CGREF1: variants seen among roughly 807,000 people sequenced by gnomAD.
The protein encoded by CGREF1 is cell growth regulator with EF hand domain protein 1.
In CGREF1, 16 loss-of-function variants were observed where a neutral mutation model predicts 17.4. The ratio of observed to expected loss-of-function variants is 0.92; its 90% CI spans 0.62 to 1.40. The LOEUF is 1.40. Ranked by LOEUF, CGREF1 falls within the 40% of genes most tolerant of loss-of-function variation. The pLI, the probability that CGREF1 is intolerant of heterozygous loss-of-function variation, is 0.00. For synonymous variants in CGREF1, 142 were observed against 154.6 expected (o/e 0.92, Z 0.61); for missense variants, 296 against 376.4 (o/e 0.79, Z 1.77).
At chr2:27,116,389 C>T (rs1177306979) in intron 1 of CGREF1, among the ~76,000 whole-genome samples, 2 of 151,636 alleles carry the variant, frequency 1.3e-5, no homozygotes, top group African/African-American at 4.8e-5. Flanking sequence ...TAGCCAGGCA[C>T]AGTGGCACGT....
intron 1 of CGREF1, among the ~76,000 whole-genome samples, chr2:27,115,859 A>T (rs74510402): frequency 6.6e-6 from 1 of 152,130 alleles, no homozygotes; most frequent in Non-Finnish European, 1.5e-5. Context: ...TCCATCCTCA[A>T]TCTGGAATGT....
At chr2:27,118,067 T>C (rs1000791348) in intron 1 of CGREF1, among the ~76,000 whole-genome samples, 1 of 152,068 alleles carries the variant, frequency 6.6e-6, no homozygotes, top group Non-Finnish European at 1.5e-5. Flanking sequence ...TCCTAAAGGT[T>C]TGGGGAGGCT....
chr2:27,100,740 C>T lies in CGREF1; in HGVS notation c.*534G>A, dbSNP rs1348090112. On this transcript the variant is annotated 3_prime_UTR_variant, in exon 6 of 6. Coordinates refer to ENST00000402394, the MANE Select transcript of CGREF1 (RefSeq NM_006569.6). The stretch of plus-strand genomic sequence containing the variant: ...TGAGGATAAAATCATATATAAAATG[C>T]CCAGCATGATGCCTGATGTGTACAA... 7 of 1,149,408 alleles carry T rather than the reference C, an allele frequency of 6.1e-6. No homozygotes were observed. Among genetic ancestry groups the T allele is most frequent in the Non-Finnish European group, 7.7e-6 (7 of 908,260 alleles). The allele number at this position is 1,149,408 out of a possible 1,614,324, so 71.2% of individuals were successfully genotyped here.
At chr2:27,116,871 T>TTCTCTCTCTCTCTCTCTCTCTCTCTC (rs537582075) in intron 1 of CGREF1, among the ~76,000 whole-genome samples, 36 of 33,652 alleles carry the variant, frequency 1.1e-3, no homozygotes, top group South Asian at 3.1e-3. Flanking sequence ...GCCAGGCCTA[T>TTCTCTCTCTCTCTCTCTCTCTCTCTC]TCTCTCTCTC....
chr2:27,104,177 G>A, intron 2 of CGREF1, 110 bp downstream of exon 2: 2 of 1,103,750 alleles, frequency 1.8e-6, no homozygotes, highest in Non-Finnish European at 2.5e-6. Flanking sequence ...ACAGAGATCG[G>A]GGAACCTACA....
At chr2:27,104,054 C>A (rs7601733) in intron 2 of CGREF1, among the ~76,000 whole-genome samples, 1 of 152,180 alleles carries the variant, frequency 6.6e-6, no homozygotes, top group African/African-American at 2.4e-5. Context: ...CTGTTCTTCA[C>A]GATGCACTGG....
At chr2:27,104,879 A>T in intron 1 of CGREF1, 1 of 1,273,490 alleles carries the variant, frequency 7.9e-7, no homozygotes, top group Non-Finnish European at 1.1e-6. Flanking sequence ...AACAAATCAA[A>T]AGAGGCGCAG....
chr2:27,103,306 T>G (rs1323764622), intron 2 of CGREF1, among the ~76,000 whole-genome samples: 1 of 152,174 alleles, frequency 6.6e-6, no homozygotes, highest in Non-Finnish European at 1.5e-5. Flanking sequence ...AATAAAACCT[T>G]CAGAAAGGTA....
intron 1 of CGREF1, among the ~76,000 whole-genome samples, chr2:27,106,815 G>A (rs1458676499): frequency 1.3e-5 from 2 of 152,010 alleles, no homozygotes; most frequent in East Asian, 3.9e-4. Context: ...ACAGAGTTTC[G>A]CTGTGTTGGC....
intron 1 of CGREF1, among the ~76,000 whole-genome samples, chr2:27,117,631 C>A (rs1451763178): frequency 6.6e-6 from 1 of 152,028 alleles, no homozygotes; most frequent in East Asian, 1.9e-4. Context: ...GACTTCTGAT[C>A]AAATCCTGCC....
intron 1 of CGREF1, 135 bp downstream of exon 1, chr2:27,118,700 CGCCGCGTCTGA>C (rs1443262721): frequency 1.2e-4 from 19 of 152,438 alleles, no homozygotes; most frequent in East Asian, 9.6e-4. Context: ...CCACTGCTCC[CGCCGCGTCTGA>C]GCCGCAGGGG....
Position 27,104,321 on chromosome 2 carries a change from T to TG in CGREF1, c.45dup (p.Thr16HisfsTer16). ...CCATCCTTTGGGGCAGCCTGACCCGTGGGGAGCAGCAGCAGGATTAACACT... is the reference window on the plus strand; with the variant it reads ...CCATCCTTTGGGGCAGCCTGACCCGTGGGGGAGCAGCAGCAGGATTAACACT... On this transcript the variant is annotated frameshift_variant, in exon 2 of 6. Transcript: ENST00000402394. LOFTEE classifies it high-confidence loss of function. 1 of 1,586,412 alleles carries TG rather than the reference T, an allele frequency of 6.3e-7. No individual in the cohort carries two copies. The highest frequency in any genetic ancestry group is 8.6e-7 in the Non-Finnish European group (1 of 1,164,980).
intron 1 of CGREF1, among the ~76,000 whole-genome samples, chr2:27,112,320 C>T (rs895195874): frequency 5.9e-5 from 9 of 151,944 alleles, no homozygotes; most frequent in Admixed American, 2.0e-4. Context: ...AGAAAAGGCA[C>T]AAACAATATT....
At chr2:27,105,550 T>TTTTTC (rs140369384) in intron 1 of CGREF1, among the ~76,000 whole-genome samples, 146,669 of 151,540 alleles carry the variant, frequency 0.97, 71,157 homozygotes, top group East Asian at 1. Flanking sequence ...ATTTTTCTTT[T>TTTTTC]TTTTCTTTTT....
Position 27,101,871 on chromosome 2 carries a change from G to A in CGREF1, c.360C>T (p.Asp120=). Residue 120 remains aspartate, a synonymous_variant, in exon 6 of 6, where the codon GAC becomes GAT. Transcript: ENST00000402394. ...TCAGGTCCTGGGTCTCGAGCACTTT[G>A]TCCACTATCAAGATCACCTGTGGAA... The part of the protein sequence containing the change: ...PTTNPVILIV[D]KVLETQDLNG... 6.2e-7 allele frequency: 1 copy of A among 1,612,896 alleles called. No individual in the cohort carries two copies. Among genetic ancestry groups the A allele is most frequent in the Non-Finnish European group, 8.5e-7 (1 of 1,179,752 alleles).
chr2:27,118,510 C>T (rs1458774609), intron 1 of CGREF1, among the ~76,000 whole-genome samples: 1 of 152,204 alleles, frequency 6.6e-6, no homozygotes, highest in Non-Finnish European at 1.5e-5. Flanking sequence ...CATTTCTTCC[C>T]CGTCGGATGA....
downstream of CGREF1, chr2:27,100,489 G>A (rs751242318): frequency 4.7e-5 from 61 of 1,291,018 alleles, no homozygotes; most frequent in Non-Finnish European, 5.9e-5. Flanking sequence ...AGGGAGGTCC[G>A]ATCTGGAACA....
At chr2:27,107,005 G>A (rs1671146115) in intron 1 of CGREF1, among the ~76,000 whole-genome samples, 1 of 152,178 alleles carries the variant, frequency 6.6e-6, no homozygotes, top group African/African-American at 2.4e-5. Context: ...AGTGCAACCT[G>A]GTTGATGGCA....
At chr2:27,116,697 G>C (rs78913499) in intron 1 of CGREF1, among the ~76,000 whole-genome samples, 1 of 150,868 alleles carries the variant, frequency 6.6e-6, no homozygotes, top group African/African-American at 2.4e-5. Flanking sequence ...AGCCTCCCGA[G>C]TAGCTGGGAT....
Sources: gnomAD v4.1 joint callset for allele counts (sites outside exome capture counted in the v4.1 genomes callset) on GRCh38, gnomAD v4.1.1 for gene constraint, MANE v1.5 for transcripts, NCBI Gene and HGNC (gene_info 2026-07-23, HGNC 2026-07-21) for gene names.